PTDSS1: variants seen among roughly 807,000 people sequenced by gnomAD.
PTDSS1 encodes phosphatidylserine synthase 1.
PTDSS1 carries 45 observed loss-of-function variants against 70.5 expected under a neutral mutation model. The ratio of observed to expected loss-of-function variants is 0.64; its 90% CI spans 0.50 to 0.82. The LOEUF (loss-of-function observed/expected upper bound fraction) is 0.82. PTDSS1 is among the 40% of genes least tolerant of loss of function. The probability of loss-of-function intolerance (pLI) is 0.00; values close to 1 mark genes in which losing one functional copy is unlikely to be tolerated. For missense variants in PTDSS1, 417 were observed against 586.1 expected (o/e 0.71, Z 2.98); for synonymous variants, 188 against 203.8 (o/e 0.92, Z 0.66).
In PTDSS1 at chr8:96,313,736, G is replaced by A. The variant is rs980320961; in HGVS notation, c.1073+4114G>A. On this transcript the variant is annotated intron_variant, in intron 9 of 12. Coordinates refer to ENST00000517309, the MANE Select transcript of PTDSS1 (RefSeq NM_014754.3). ...TGCTCCTCACCCGACCAGTTTCCTC[G>A]CTGCCTGTGATCCCACCTCTGCTAA... Among the ~76,000 whole-genome samples, 3 of 152,236 alleles carry A rather than the reference G, an allele frequency of 2.0e-5. No homozygotes were observed. The East Asian group carries it at 5.8e-4, about 29-fold the overall frequency.
At chr8:96,279,233 G>C (rs983786827) in intron 2 of PTDSS1, among the ~76,000 whole-genome samples, 2 of 151,028 alleles carry the variant, frequency 1.3e-5, no homozygotes, top group East Asian at 3.9e-4. Flanking sequence ...TGCCTGCCTC[G>C]GCCTCCCAAA....
intron 6 of PTDSS1, among the ~76,000 whole-genome samples, chr8:96,302,204 G>A (rs2130102609): frequency 6.6e-6 from 1 of 151,850 alleles, no homozygotes; most frequent in East Asian, 2.0e-4. Flanking sequence ...GCTAATTTTT[G>A]TATTGTTAGT....
chr8:96,284,207 T>C, intron 3 of PTDSS1, 54 bp downstream of exon 3: 9 of 1,487,618 alleles, frequency 6.0e-6, no homozygotes, highest in African/African-American at 1.4e-5. Flanking sequence ...ATCTTTTTTC[T>C]GCTTATCACT....
At chr8:96,329,347 C>T (rs1461674081) in intron 10 of PTDSS1, among the ~76,000 whole-genome samples, 3 of 151,894 alleles carry the variant, frequency 2.0e-5, no homozygotes, top group Non-Finnish European at 4.4e-5. Flanking sequence ...AAGGTGTGGC[C>T]GGGGAGATTC....
intron 1 of PTDSS1, among the ~76,000 whole-genome samples, chr8:96,267,124 A>G (rs535666969): frequency 1.3e-5 from 2 of 152,328 alleles, no homozygotes; most frequent in East Asian, 3.9e-4. Flanking sequence ...ATGTAACACA[A>G]TTTATCTTGT....
At position 96,336,525 on chromosome 8, in the gene PTDSS1, G is replaced by A. The variant is rs1459749389; in HGVS notation, c.*2959G>A. 1 of 152,012 alleles carries A rather than the reference G, an allele frequency of 6.6e-6. No individual in the cohort carries two copies. Among genetic ancestry groups the A allele is most frequent in the African/African-American group, 2.4e-5 (1 of 41,242 alleles). The allele number at this position is 152,012 out of a possible 1,614,324, so 9.4% of individuals were successfully genotyped here. A position where few individuals can be genotyped will look rare whatever the true frequency, so the allele number is the denominator to read the frequency against. On this transcript the variant is annotated 3_prime_UTR_variant, in exon 13 of 13. Transcript: ENST00000517309. ...TAGCCCTTTAAAATACGGGGTTGGG[G>A]GGTTAACATCCGCTCTTTGGAATGT...
chr8:96,272,755 G>A (rs1810584362), intron 1 of PTDSS1, among the ~76,000 whole-genome samples: 1 of 152,218 alleles, frequency 6.6e-6, no homozygotes, highest in Non-Finnish European at 1.5e-5. Flanking sequence ...CTGGCACACA[G>A]TAGATAGATA....
chr8:96,320,630 A>G (rs542130191), intron 10 of PTDSS1, among the ~76,000 whole-genome samples: 11 of 152,308 alleles, frequency 7.2e-5, no homozygotes, highest in Middle Eastern at 3.4e-3. Context: ...TGCATGTGCT[A>G]TGCATTTAGG....
At chr8:96,285,737 C>CTGCA (rs1810813609) in intron 3 of PTDSS1, among the ~76,000 whole-genome samples, 1 of 152,136 alleles carries the variant, frequency 6.6e-6, no homozygotes, top group South Asian at 2.1e-4. Flanking sequence ...ATGCACAGCT[C>CTGCA]TGCATATAGT....
intron 9 of PTDSS1, among the ~76,000 whole-genome samples, chr8:96,316,869 C>T (rs1416962191): frequency 6.6e-6 from 1 of 151,936 alleles, no homozygotes; most frequent in Admixed American, 6.6e-5. Context: ...TGGCACACGC[C>T]TGTAGTCCCA....
chr8:96,263,159 C>T (rs1810435943), intron 1 of PTDSS1, among the ~76,000 whole-genome samples: 1 of 152,118 alleles, frequency 6.6e-6, no homozygotes, highest in African/African-American at 2.4e-5. Context: ...TAATATATAC[C>T]GGTTCATAGG....
At chr8:96,274,268 C>T (rs1049001881) in intron 2 of PTDSS1, among the ~76,000 whole-genome samples, 2 of 151,996 alleles carry the variant, frequency 1.3e-5, no homozygotes, top group African/African-American at 2.4e-5. Flanking sequence ...CTTTTGTAAC[C>T]GCTCATGCTA....
chr8:96,331,659 G>T (rs184758339), intron 12 of PTDSS1, among the ~76,000 whole-genome samples: 1 of 152,222 alleles, frequency 6.6e-6, no homozygotes, highest in Non-Finnish European at 1.5e-5. Context: ...GTAAGAAGAG[G>T]CTCCATGTAG....
At chr8:96,269,453 T>A (rs572165296) in intron 1 of PTDSS1, among the ~76,000 whole-genome samples, 1 of 152,338 alleles carries the variant, frequency 6.6e-6, no homozygotes, top group East Asian at 1.9e-4. Context: ...GTCAAGGCGG[T>A]GTCACAGCAT....
At position 96,262,281 on chromosome 8, in the gene PTDSS1, G is replaced by T; in HGVS notation, c.179+62G>T. The T allele has an allele frequency of 2.1e-6, 3 of 1,458,274 alleles. No homozygotes were observed. Among genetic ancestry groups the T allele is most frequent in the Non-Finnish European group, 1.9e-6 (2 of 1,063,746 alleles). 90.3% of individuals were successfully genotyped at this position (1,458,274 alleles called of 1,614,324 possible). A position where few individuals can be genotyped will look rare whatever the true frequency, so the allele number is the denominator to read the frequency against. The stretch of plus-strand genomic sequence containing the variant: ...GGCTAGGGAAGAGGCGGGAGGGAGG[G>T]TGGCGGGGAGGGGGGCCCGGCATGG... On this transcript the variant is annotated intron_variant, in intron 1 of 12. Coordinates refer to ENST00000517309, the MANE Select transcript of PTDSS1 (RefSeq NM_014754.3). This position sits in a 1 kb window ranked among gnomAD's most constrained non-coding sequence, Gnocchi z 4.4.
At chr8:96,329,416 A>G (rs576332015) in intron 10 of PTDSS1, among the ~76,000 whole-genome samples, 6 of 152,212 alleles carry the variant, frequency 3.9e-5, no homozygotes, top group Non-Finnish European at 8.8e-5. Context: ...CAGTCCAGGC[A>G]GCTGGAGACT....
chr8:96,263,665 A>G (rs183880761), intron 1 of PTDSS1, among the ~76,000 whole-genome samples: 4 of 152,346 alleles, frequency 2.6e-5, no homozygotes, highest in Admixed American at 2.6e-4. Context: ...GTAGGGATAT[A>G]TATATTGGGT....
chr8:96,287,392 C>A, intron 4 of PTDSS1: 1 of 460,280 alleles, frequency 2.2e-6, no homozygotes, highest in Admixed American at 3.9e-5. Context: ...GTCAGACAGC[C>A]TTGGGTGTGA....
rs527639459 is a variant in PTDSS1 at position 96,303,270 on chromosome 8, C to T, written c.753-770C>T. On this transcript the variant is annotated intron_variant, in intron 6 of 12. Transcript: ENST00000517309. ...GCAGATCTTCTTGCTGTGATGTTTTCTCAATACGAGTTTGTTGGTGGATAG... is the reference window on the plus strand; with the variant it reads ...GCAGATCTTCTTGCTGTGATGTTTTTTCAATACGAGTTTGTTGGTGGATAG... Among the ~76,000 whole-genome samples the T allele has an allele frequency of 2.2e-4, 34 of 152,168 alleles. No individual in the cohort carries two copies. The South Asian group carries it at 6.8e-3, about 31-fold the overall frequency.
Sources: gnomAD v4.1 joint callset for allele counts (sites outside exome capture counted in the v4.1 genomes callset) on GRCh38, gnomAD v4.1.1 for gene constraint, Gnocchi (gnomAD v3.1) non-coding constraint, MANE v1.5 for transcripts, NCBI Gene and HGNC (gene_info 2026-07-23, HGNC 2026-07-21) for gene names.